YTHDC2: variants seen among roughly 807,000 people sequenced by gnomAD.
YTHDC2 encodes YTH N6-methyladenosine RNA binding protein C2, also known as 3'-5' RNA helicase YTHDC2.
A neutral mutation model predicts 174.9 loss-of-function variants in YTHDC2; 45 were observed. That is an observed-to-expected ratio of 0.26 (90% confidence interval 0.20 to 0.33). The LOEUF (loss-of-function observed/expected upper bound fraction) is 0.33. YTHDC2 is among the 10% of genes least tolerant of loss of function. YTHDC2 has a pLI of 1.00. For synonymous variants in YTHDC2, 657 were observed against 574.5 expected (o/e 1.14, Z -2.05); for missense variants, 1,650 against 1,723.7 (o/e 0.96, Z 0.76).
rs1451558376 is a variant in YTHDC2, at chr5:113,556,074, T to G, written c.2156T>G (p.Phe719Cys). The stretch of plus-strand genomic sequence containing the variant: ...CAGAAATCCTTTGATGCTCTGAATT[T>G]TGTTACAATGTTAAAAATGGTATGG... The part of the protein sequence containing the change: ...VKEKSFDALN[F>C]VTMLKMVWIS... The change falls in exon 17 of 30, where the codon TTT becomes TGT. Residue 719 changes from phenylalanine to cysteine, a missense_variant. This residue lies in a region of YTHDC2 where 913 missense variants were observed against 940.4 expected (regional missense o/e 0.97). Transcript: ENST00000161863. The G allele has an allele frequency of 6.2e-7, 1 of 1,607,002 alleles. No individual in the cohort carries two copies. Among genetic ancestry groups the G allele is most frequent in the Non-Finnish European group, 8.5e-7 (1 of 1,174,650 alleles).
intron 17 of YTHDC2, among the ~76,000 whole-genome samples, chr5:113,556,715 G>A (rs77651825): frequency 0.02 from 3,089 of 152,298 alleles, 120 homozygotes; most frequent in African/African-American, 0.071. Context: ...ATAGATTGGT[G>A]TGACTTCTTC....
Sources: allele counts gnomAD v4.1 joint callset (sites outside exome capture counted in the v4.1 genomes callset), GRCh38; gene constraint gnomAD v4.1.1; regional missense constraint gnomAD v4.1.1; transcripts MANE v1.5; gene names NCBI Gene and HGNC (gene_info 2026-07-23, HGNC 2026-07-21).